GREB1: variants seen among roughly 807,000 people sequenced by gnomAD.
GREB1 encodes the protein growth regulating estrogen receptor binding 1, also known as protein GREB1.
GREB1 carries 106 observed loss-of-function variants against 200.7 expected under a neutral mutation model. That is an observed-to-expected ratio of 0.53 (90% CI 0.45 to 0.62). GREB1 has a LOEUF of 0.62. GREB1 is among the 20% of genes least tolerant of loss of function. GREB1 has a pLI of 0.00. For synonymous variants in GREB1, 1,132 were observed against 1,092.4 expected (o/e 1.04, Z -0.72); for missense variants, 2,243 against 2,556.8 (o/e 0.88, Z 2.65).
At chr2:11,621,745 ATGCTGTCGATTG>A in intron 23 of GREB1, among the ~76,000 whole-genome samples, 1 of 152,176 alleles carries the variant, frequency 6.6e-6, no homozygotes, top group African/African-American at 2.4e-5. Flanking sequence ...ACTTGGTGAG[ATGCTGTCGATTG>A]TGCTTCAGTT....
At chr2:11,638,538 A>G in intron 31 of GREB1, 133 bp from the exon 32 acceptor site, 1 of 667,902 alleles carries the variant, frequency 1.5e-6, no homozygotes, top group Non-Finnish European at 2.5e-6. Flanking sequence ...TAACATGAAA[A>G]TATTGTCTCT....
Position 11,618,517 on chromosome 2 carries a change from G to A in GREB1, c.3642G>A (p.Ser1214=), listed in dbSNP as rs780503231. Residue 1214 remains serine (S), a synonymous_variant, in exon 22 of 33, where the codon TCG becomes TCA. Transcript: ENST00000381486. ...CCGGCCAGAGGAGCGTCCAGGTGTC[G>A]GTCACCTCGTCGTGCTCCCAGCTGT... ...LRTGQRSVQV[S]VTSSCSQLSS... is the part of the protein sequence containing the mutation. The A allele has an allele frequency of 2.9e-5, 46 of 1,611,722 alleles. No individual in the cohort carries two copies. Among genetic ancestry groups the A allele is most frequent in the African/African-American group, 8.0e-5 (6 of 74,882 alleles).
chr2:11,625,306 A>T lies in GREB1; in HGVS notation c.4300A>T (p.Ser1434Cys), dbSNP rs752066015. 6.2e-7 allele frequency: 1 copy of T among 1,614,064 alleles called. No homozygotes were observed. Among genetic ancestry groups the T allele is most frequent in the Admixed American group, 1.7e-5 (1 of 60,026 alleles). The change falls in exon 24 of 33, where the codon AGT (serine) becomes TGT (cysteine). Residue 1434 changes from serine to cysteine, a missense_variant. By Grantham distance (112) the Ser-to-Cys change is moderately radical. Coordinates refer to ENST00000381486, the MANE Select transcript of GREB1 (RefSeq NM_014668.4). Reference protein sequence around the residue: ...LICSHYQGIKSEDRGMSRKPE... With the variant: ...LICSHYQGIKCEDRGMSRKPE... ...TTGTTCGCACTATCAGGGTATAAAG[A>T]GTGAAGGTCAGACTTTGAATCTCTC...
rs62120185 is a variant in GREB1, at chr2:11,518,789, G to C, written c.-159+36408G>C. On this transcript the variant is annotated intron_variant, in intron 1 of 2. Transcript: ENST00000628795. ...AAAAGCGCATATGCATAAAATATAAGCATGTGTCTTTTTAAATGAAAAAAT... is the reference window on the plus strand; with the variant it reads ...AAAAGCGCATATGCATAAAATATAACCATGTGTCTTTTTAAATGAAAAAAT... Among the ~76,000 whole-genome samples the C allele has an allele frequency of 3.1e-3, 459 of 150,404 alleles. 1 individual carries two copies. The highest frequency in any genetic ancestry group is 6.9e-3 in the Middle Eastern group (2 of 290).
chr2:11,635,169 T>C lies in GREB1; in HGVS notation c.5211-101T>C, dbSNP rs2148441344. On this transcript the variant is annotated intron_variant, in intron 29 of 32. Coordinates refer to ENST00000381486, the MANE Select transcript of GREB1 (RefSeq NM_014668.4). ...AAGAATGAAGCCCACTCCACCTTCA[T>C]AGCCCCCTACGATGGGGACCCACAC... is the stretch of plus-strand genomic sequence containing the variant. The C allele has an allele frequency of 1.5e-5, 21 of 1,369,246 alleles. No homozygotes were observed. In the South Asian group the frequency reaches 2.7e-4, roughly 18 times the overall value. 84.8% of individuals were successfully genotyped at this position (1,369,246 alleles called of 1,614,324 possible).
At chr2:11,566,765 C>A in intron 4 of GREB1, 109 bp downstream of exon 4, 1 of 940,476 alleles carries the variant, frequency 1.1e-6, no homozygotes, top group Non-Finnish European at 1.6e-6. Flanking sequence ...CTTTGGGACC[C>A]CAGGCGCAGC....
chr2:11,614,720 C>G (rs1008331166), intron 19 of GREB1, among the ~76,000 whole-genome samples: 4 of 152,102 alleles, frequency 2.6e-5, no homozygotes, highest in Admixed American at 2.6e-4. Flanking sequence ...CCCGCCACCA[C>G]GCCTGGCTCA....
At chr2:11,540,419 T>C (rs1431521191) in intron 1 of GREB1, among the ~76,000 whole-genome samples, 1 of 152,224 alleles carries the variant, frequency 6.6e-6, no homozygotes, top group Non-Finnish European at 1.5e-5. Context: ...AGGTTTTCAG[T>C]GGTTTCTGCT....
At chr2:11,592,176 CTT>C in intron 10 of GREB1, 5 of 556,954 alleles carry the variant, frequency 9.0e-6, no homozygotes, top group South Asian at 7.9e-5. Flanking sequence ...TGGCTTCCTA[CTT>C]TTTTTTTTCT....
intron 1 of GREB1, among the ~76,000 whole-genome samples, chr2:11,515,053 T>C (rs969881316): frequency 2.6e-5 from 4 of 151,056 alleles, no homozygotes; most frequent in Non-Finnish European, 4.4e-5. Context: ...CATCCATCCA[T>C]CCACACATGT....
intron 7 of GREB1, 96 bp from the exon 8 acceptor site, chr2:11,585,062 AAAC>A: frequency 1.0e-5 from 6 of 590,680 alleles, no homozygotes; most frequent in South Asian, 4.0e-5. Context: ...AGAAAAAAAA[AAAC>A]AAAACAAAAC....
chr2:11,514,327 A>G (rs144734353), intron 1 of GREB1, among the ~76,000 whole-genome samples: 30 of 90,158 alleles, frequency 3.3e-4, no homozygotes, highest in African/African-American at 1.2e-3. Context: ...GTCAGAGAAA[A>G]TCAGTTATGT....
chr2:11,631,888 C>A lies in GREB1; in HGVS notation c.4612-21C>A, dbSNP rs202106747. 98 of 1,582,824 alleles carry A rather than the reference C, an allele frequency of 6.2e-5. No homozygotes were observed. The East Asian group carries it at 2.2e-3, about 35-fold the overall frequency. On this transcript the variant is annotated intron_variant, in intron 26 of 32. Transcript: ENST00000381486. ...AGCCACATTTACAAACACTCTACCT[C>A]ATGATACCTGTACTTTGCAGAGCCA...
chr2:11,620,858 C>G (rs6737304), intron 22 of GREB1, 47 bp from the exon 23 acceptor site: 2 of 1,141,046 alleles, frequency 1.8e-6, no homozygotes, highest in Admixed American at 3.4e-5. Flanking sequence ...GCCTGGCACG[C>G]GGATGGGGCT....
chr2:11,576,133 G>A (rs1036781493), intron 4 of GREB1, among the ~76,000 whole-genome samples: 1 of 151,902 alleles, frequency 6.6e-6, no homozygotes, highest in Non-Finnish European at 1.5e-5. Context: ...GTGAAACCCC[G>A]TCTCTACTAA....
chr2:11,523,069 C>A (rs1673755953), intron 1 of GREB1, among the ~76,000 whole-genome samples: 1 of 152,208 alleles, frequency 6.6e-6, no homozygotes, highest in African/African-American at 2.4e-5. Flanking sequence ...GAGATCATGT[C>A]TTTTGCAGGA....
intron 19 of GREB1, among the ~76,000 whole-genome samples, chr2:11,613,022 C>T (rs1471542843): frequency 2.6e-5 from 4 of 152,160 alleles, no homozygotes; most frequent in African/African-American, 9.7e-5. Context: ...CCTAGGCTGC[C>T]GCAATGCCTG....
At chr2:11,571,751 C>T (rs576764882) in intron 4 of GREB1, among the ~76,000 whole-genome samples, 14 of 151,998 alleles carry the variant, frequency 9.2e-5, no homozygotes, top group Admixed American at 3.3e-4. Context: ...CGCTCTGTCT[C>T]CCAGGCTGGA....
intron 1 of GREB1, among the ~76,000 whole-genome samples, chr2:11,555,863 G>A (rs1447942753): frequency 1.3e-5 from 2 of 152,148 alleles, no homozygotes; most frequent in Non-Finnish European, 2.9e-5. Flanking sequence ...TAAGTGGTAA[G>A]GTATGTGAAT....
Sources: allele counts gnomAD v4.1 joint callset (sites outside exome capture counted in the v4.1 genomes callset), GRCh38; gene constraint gnomAD v4.1.1; transcripts MANE v1.5; gene names NCBI Gene and HGNC (gene_info 2026-07-23, HGNC 2026-07-21).